The following SIMC1 variants were observed in gnomAD, a reference collection of about 807,000 sequenced individuals.
SIMC1 encodes SUMO-interacting motif-containing protein 1.
Under a neutral mutation model 82.3 loss-of-function variants are expected in SIMC1, and 55 were observed. The ratio of observed to expected loss-of-function variants is 0.67; its 90% CI spans 0.54 to 0.84. The LOEUF (loss-of-function observed/expected upper bound fraction) is 0.84, where lower values mean the gene tolerates loss of function less well. SIMC1 is among the 40% of genes least tolerant of loss of function. The pLI, the probability that SIMC1 is intolerant of heterozygous loss-of-function variation, is 0.00. For missense variants in SIMC1, 915 were observed against 1,107.2 expected (o/e 0.83, Z 2.46); for synonymous variants, 353 against 426.3 (o/e 0.83, Z 2.12).
intron 7 of SIMC1, among the ~76,000 whole-genome samples, chr5:176,335,766 G>T (rs905814903): frequency 6.6e-6 from 1 of 152,108 alleles, no homozygotes; most frequent in Non-Finnish European, 1.5e-5. Flanking sequence ...ACTATGGCCA[G>T]ACACAGTGGC....
chr5:176,272,280 G>T (rs1762476956), intron 1 of SIMC1, among the ~76,000 whole-genome samples: 1 of 150,226 alleles, frequency 6.7e-6, no homozygotes, highest in South Asian at 2.1e-4. Flanking sequence ...ACTCCAGCCT[G>T]TGTGACATAG....
At chr5:176,253,596 G>A (rs1186309173) in intron 1 of SIMC1, among the ~76,000 whole-genome samples, 4 of 152,110 alleles carry the variant, frequency 2.6e-5, no homozygotes, top group Non-Finnish European at 5.9e-5. Context: ...GGGAGTCATT[G>A]ACAACTAGGA....
intron 1 of SIMC1, among the ~76,000 whole-genome samples, chr5:176,258,619 C>T (rs535126196): frequency 3.8e-4 from 58 of 150,944 alleles, no homozygotes; most frequent in South Asian, 1.3e-3. Context: ...TAGAGTCTTG[C>T]TCTCTCACCC....
chr5:176,322,934 C>A (rs1765227552), intron 6 of SIMC1: 1 of 152,394 alleles, frequency 6.6e-6, no homozygotes, highest in Non-Finnish European at 1.5e-5. Context: ...CATGGCATTT[C>A]TTTTATGGAG....
intron 6 of SIMC1, among the ~76,000 whole-genome samples, chr5:176,323,841 A>T (rs565573362): frequency 1.6e-4 from 25 of 152,066 alleles, no homozygotes; most frequent in African/African-American, 5.8e-4. Context: ...ACAAAAAAAT[A>T]GCCGGGCATG....
Position 176,274,872 on chromosome 5 carries a change from T to G in SIMC1, c.130-14782T>G, listed in dbSNP as rs187348412. ...GGTACCAGTACCATGCTCTTTTGGT[T>G]ACTGTAGCCTTGTAGTATAGTTTGA... On this transcript the variant is annotated intron_variant, in intron 1 of 9. Coordinates refer to ENST00000429602, the MANE Select transcript of SIMC1 (RefSeq NM_001308195.2). 3.9e-3 allele frequency among the ~76,000 whole-genome samples: 592 copies of G among 152,000 alleles called. 6 individuals carry two copies. The highest frequency in any genetic ancestry group is 0.013 in the African/African-American group (556 of 41,542).
At chr5:176,243,227 T>A (rs1420949561) in intron 1 of SIMC1, among the ~76,000 whole-genome samples, 1 of 152,100 alleles carries the variant, frequency 6.6e-6, no homozygotes, top group Non-Finnish European at 1.5e-5. Context: ...GAGTTAATAT[T>A]TGACCTGAGA....
intron 7 of SIMC1, among the ~76,000 whole-genome samples, chr5:176,331,999 T>C (rs1451928983): frequency 6.6e-6 from 1 of 152,048 alleles, no homozygotes; most frequent in East Asian, 1.9e-4. Flanking sequence ...AACTTTGCAT[T>C]ATTCTTGCAA....
intron 5 of SIMC1, among the ~76,000 whole-genome samples, chr5:176,315,897 G>A (rs1023622628): frequency 4.6e-5 from 7 of 152,218 alleles, no homozygotes; most frequent in East Asian, 1.9e-4. Context: ...AAAATTGGCC[G>A]GGTACAGTGG....
chr5:176,244,828 T>TCTC (rs1761385742), intron 1 of SIMC1, among the ~76,000 whole-genome samples: 1 of 151,304 alleles, frequency 6.6e-6, no homozygotes, highest in Non-Finnish European at 1.5e-5. Flanking sequence ...CTCAAGTGAT[T>TCTC]CTCCTGCCTC....
In SIMC1 at chr5:176,333,021, G is replaced by A. The variant is rs374810218; in HGVS notation, c.2172-3699G>A. Among the ~76,000 whole-genome samples, 29 of 151,502 alleles carry A rather than the reference G, an allele frequency of 1.9e-4. 1 individual carries two copies. In the East Asian group the frequency reaches 5.5e-3, roughly 29 times the overall value. On this transcript the variant is annotated intron_variant, in intron 7 of 9. Coordinates refer to ENST00000429602, the MANE Select transcript of SIMC1 (RefSeq NM_001308195.2). ...GTCATTTCAAGAATGTGATATAAATGGCCTAGGCACAATGGCTCACGCCTA... is the reference window on the plus strand; with the variant it reads ...GTCATTTCAAGAATGTGATATAAATAGCCTAGGCACAATGGCTCACGCCTA...
chr5:176,288,466 A>G (rs1401498932), intron 1 of SIMC1, among the ~76,000 whole-genome samples: 1 of 122,050 alleles, frequency 8.2e-6, no homozygotes, highest in Non-Finnish European at 1.9e-5. Flanking sequence ...AATGGGAGAG[A>G]CCTGGTGATG....
intron 2 of SIMC1, among the ~76,000 whole-genome samples, chr5:176,293,636 T>G (rs755913154): frequency 1.3e-5 from 2 of 151,636 alleles, no homozygotes; most frequent in Non-Finnish European, 2.9e-5. Flanking sequence ...TAGTCCCAGC[T>G]ACTTGGGAGG....
At chr5:176,250,168 G>A (rs921759385) in intron 1 of SIMC1, among the ~76,000 whole-genome samples, 38 of 152,084 alleles carry the variant, frequency 2.5e-4, no homozygotes, top group African/African-American at 6.8e-4. Context: ...CCTTAATGTC[G>A]TTATTTACCC....
At chr5:176,334,729 C>T (rs1765811036) in intron 7 of SIMC1, among the ~76,000 whole-genome samples, 1 of 152,210 alleles carries the variant, frequency 6.6e-6, no homozygotes, top group African/African-American at 2.4e-5. Context: ...CCTCTGCCTT[C>T]ATTAGAAAGT....
chr5:176,249,036 C>T (rs1761553557), intron 1 of SIMC1, among the ~76,000 whole-genome samples: 1 of 152,176 alleles, frequency 6.6e-6, no homozygotes, highest in South Asian at 2.1e-4. Flanking sequence ...CATCGATGTT[C>T]ATCAGAGATA....
chr5:176,252,217 G>GC (rs924869532), intron 1 of SIMC1, among the ~76,000 whole-genome samples: 38 of 52,982 alleles, frequency 7.2e-4, no homozygotes, highest in African/African-American at 2.2e-3. Flanking sequence ...GGGGCTGACC[G>GC]CCCCCCCCAC....
intron 9 of SIMC1, among the ~76,000 whole-genome samples, chr5:176,338,026 G>C (rs1025615746): frequency 2.0e-5 from 3 of 152,122 alleles, no homozygotes; most frequent in African/African-American, 7.2e-5. Flanking sequence ...AATTACTAGA[G>C]GAAAAATAGT....
At chr5:176,309,881 G>A (rs1764589659) in intron 4 of SIMC1, among the ~76,000 whole-genome samples, 1 of 152,118 alleles carries the variant, frequency 6.6e-6, no homozygotes, top group Non-Finnish European at 1.5e-5. Flanking sequence ...GCTGCGGTGA[G>A]CTATGATCAC....
Sources: allele counts gnomAD v4.1 joint callset (sites outside exome capture counted in the v4.1 genomes callset), GRCh38; gene constraint gnomAD v4.1.1; transcripts MANE v1.5; gene names NCBI Gene and HGNC (gene_info 2026-07-23, HGNC 2026-07-21).